Variants in PAPOLG observed in about 807,000 individuals in gnomAD.
PAPOLG encodes PAP-gamma.
In PAPOLG, 40 loss-of-function variants were observed where a neutral mutation model predicts 99.0. That is an observed-to-expected ratio of 0.40 (90% confidence interval 0.31 to 0.53). The LOEUF is 0.53. Among genes scored for constraint, PAPOLG ranks in the 20% least tolerant of loss-of-function variants. The pLI, the probability that PAPOLG is intolerant of heterozygous loss-of-function variation, is 0.41. For synonymous variants in PAPOLG, 310 were observed against 299.3 expected (o/e 1.04, Z -0.37); for missense variants, 675 against 884.1 (o/e 0.76, Z 3.00).
intron 8 of PAPOLG, 44 bp downstream of exon 8, chr2:60,775,167 T>C: frequency 6.4e-7 from 1 of 1,570,176 alleles, no homozygotes; most frequent in Non-Finnish European, 8.6e-7. Context: ...AAAATTCTAA[T>C]TTTCTCTTGC....
intron 11 of PAPOLG, among the ~76,000 whole-genome samples, chr2:60,782,470 T>G (rs565213948): frequency 1.3e-5 from 2 of 151,588 alleles, no homozygotes; most frequent in East Asian, 3.9e-4. Flanking sequence ...GGCAGGAGAA[T>G]CGCTTGAACC....
chr2:60,776,267 C>A (rs993834520), intron 8 of PAPOLG, among the ~76,000 whole-genome samples: 1 of 151,932 alleles, frequency 6.6e-6, no homozygotes, highest in Non-Finnish European at 1.5e-5. Context: ...TAGATCTCAC[C>A]AATGGGCTTT....
intron 3 of PAPOLG, among the ~76,000 whole-genome samples, chr2:60,765,641 A>C (rs536362782): frequency 3.9e-4 from 59 of 152,326 alleles, no homozygotes; most frequent in African/African-American, 1.3e-3. Flanking sequence ...TAAACTTTAA[A>C]TAGTGTAGAA....
intron 8 of PAPOLG, among the ~76,000 whole-genome samples, chr2:60,777,525 G>A (rs1671057258): frequency 6.6e-6 from 1 of 152,178 alleles, no homozygotes; most frequent in Admixed American, 6.5e-5. Context: ...ATATTCACTG[G>A]AGAGTAGCAC....
chr2:60,761,474 T>G (rs1670519434), intron 2 of PAPOLG, among the ~76,000 whole-genome samples: 1 of 152,160 alleles, frequency 6.6e-6, no homozygotes, highest in Non-Finnish European at 1.5e-5. Flanking sequence ...TTGAAGGCAA[T>G]TTTATGATTT....
chr2:60,785,951 G>T (rs1197492516), intron 13 of PAPOLG, among the ~76,000 whole-genome samples: 1 of 151,896 alleles, frequency 6.6e-6, no homozygotes. Flanking sequence ...TTAACTAAGG[G>T]TATTTTAGAT....
At chr2:60,790,791 A>G (rs1369701921) in intron 15 of PAPOLG, among the ~76,000 whole-genome samples, 2 of 152,202 alleles carry the variant, frequency 1.3e-5, no homozygotes, top group Non-Finnish European at 2.9e-5. Context: ...TATTTGGCCT[A>G]AGAATTAGCT....
At chr2:60,771,757 A>G in intron 7 of PAPOLG, 127 bp downstream of exon 7, 4 of 985,700 alleles carry the variant, frequency 4.1e-6, no homozygotes, top group Non-Finnish European at 1.5e-6. Context: ...TTCCTTATAC[A>G]GATAATGTGA....
At chr2:60,756,557 T>C in intron 1 of PAPOLG, 62 bp downstream of exon 1, 2 of 1,517,314 alleles carry the variant, frequency 1.3e-6, no homozygotes, top group Admixed American at 2.0e-5. Context: ...GTGGTCCGAC[T>C]GTGTCCTTGT....
At chr2:60,764,417 ATTTTT>A (rs201520818) in intron 3 of PAPOLG, among the ~76,000 whole-genome samples, 1 of 140,340 alleles carries the variant, frequency 7.1e-6, no homozygotes, top group Non-Finnish European at 1.6e-5. Context: ...ACAACTGCAG[ATTTTT>A]TTTTTTTTTT....
chr2:60,771,380 C>A, intron 6 of PAPOLG, 139 bp from the exon 7 acceptor site: 1 of 896,092 alleles, frequency 1.1e-6, no homozygotes, highest in Non-Finnish European at 1.5e-6. Flanking sequence ...TGTGAGACTG[C>A]CTACATAGGC....
At chr2:60,784,199 C>A (rs563895707) in intron 13 of PAPOLG, among the ~76,000 whole-genome samples, 1 of 152,210 alleles carries the variant, frequency 6.6e-6, no homozygotes, top group Non-Finnish European at 1.5e-5. Context: ...TCTTGAACTC[C>A]TCACCTCGTG....
chr2:60,762,293 T>C (rs1670543035), intron 3 of PAPOLG, among the ~76,000 whole-genome samples: 1 of 152,060 alleles, frequency 6.6e-6, no homozygotes, highest in Admixed American at 6.6e-5. Context: ...TCCTAAGACA[T>C]AGGAATTTGC....
chr2:60,771,452 G>C, intron 6 of PAPOLG, 67 bp from the exon 7 acceptor site: 1 of 1,484,002 alleles, frequency 6.7e-7, no homozygotes, highest in Non-Finnish European at 8.9e-7. Flanking sequence ...TTTTTTGGTG[G>C]GATGGGAGAG....
chr2:60,766,613 G>A (rs1217006285), intron 3 of PAPOLG, among the ~76,000 whole-genome samples: 1 of 151,510 alleles, frequency 6.6e-6, no homozygotes, highest in African/African-American at 2.4e-5. Context: ...GCTGTGGTGA[G>A]CTAAGATCAC....
rs1160424149 is a variant in PAPOLG, at chr2:60,792,225, A to T, written c.1615A>T (p.Asn539Tyr). 1 of 1,609,898 alleles carries T rather than the reference A, an allele frequency of 6.2e-7. No individual in the cohort carries two copies. Among genetic ancestry groups the T allele is most frequent in the East Asian group, 2.2e-5 (1 of 44,874 alleles). The change falls in exon 17 of 22, where the codon AAT (asparagine) becomes TAT (tyrosine). Residue 539 changes from asparagine (N) to tyrosine (Y), a missense_variant. Asn to Tyr is a moderately radical substitution (Grantham distance 143, BLOSUM62 -2). This residue lies in a region of PAPOLG where 413 missense variants were observed against 460.5 expected (regional missense o/e 0.90). Transcript: ENST00000238714. The part of the protein sequence containing the change: ...SCLDSSRDTD[N>Y]GTPFNSPASK... ...TCTGGATAGCTCCAGAGACACTGATAATGGAACACCTTTTAATTCTCCAGC... is the reference window on the plus strand; with the variant it reads ...TCTGGATAGCTCCAGAGACACTGATTATGGAACACCTTTTAATTCTCCAGC...
At chr2:60,773,218 C>G (rs1670908684) in intron 7 of PAPOLG, among the ~76,000 whole-genome samples, 2 of 152,198 alleles carry the variant, frequency 1.3e-5, no homozygotes, top group African/African-American at 2.4e-5. Flanking sequence ...AGCCACCGTG[C>G]CCGGACTTCA....
At chr2:60,776,418 A>ATTTTTTTT (rs70959863) in intron 8 of PAPOLG, among the ~76,000 whole-genome samples, 1 of 85,868 alleles carries the variant, frequency 1.2e-5, no homozygotes, top group African/African-American at 4.9e-5. Context: ...CATTGGCTTC[A>ATTTTTTTT]TTTTTTTTTT....
rs1671811372 is a variant in PAPOLG at position 60,800,065 on chromosome 2, A to G, written c.*2905A>G. 1 of 152,380 alleles carries G rather than the reference A, an allele frequency of 6.6e-6. No individual in the cohort carries two copies. The highest frequency in any genetic ancestry group is 1.5e-5 in the Non-Finnish European group (1 of 68,040). The allele number at this position is 152,380 out of a possible 1,614,324, so 9.4% of individuals were successfully genotyped here. ...GCTCATTTTTCAGTAGCTCTGGAGAATATGTATGAAAGGAAAACAATTACC... is the reference window on the plus strand; with the variant it reads ...GCTCATTTTTCAGTAGCTCTGGAGAGTATGTATGAAAGGAAAACAATTACC... On this transcript the variant is annotated 3_prime_UTR_variant, in exon 22 of 22. Transcript: ENST00000238714.
Sources: allele counts gnomAD v4.1 joint callset (sites outside exome capture counted in the v4.1 genomes callset), GRCh38; gene constraint gnomAD v4.1.1; regional missense constraint gnomAD v4.1.1; transcripts MANE v1.5; gene names NCBI Gene and HGNC (gene_info 2026-07-23, HGNC 2026-07-21).